The following RANBP17 variants were observed in gnomAD, a reference collection of about 807,000 sequenced individuals.
RANBP17 encodes RAN binding protein 17, also known as ran-binding protein 17.
Under a neutral mutation model 141.2 loss-of-function variants are expected in RANBP17, and 158 were observed. The observed-to-expected ratio is 1.12, with a 90% confidence interval of 0.98 to 1.28. The LOEUF (loss-of-function observed/expected upper bound fraction) is 1.28, where lower values mean the gene tolerates loss of function less well. RANBP17 is among the 50% of genes most tolerant of loss of function. RANBP17 has a pLI of 0.00. For missense variants in RANBP17, 1,438 were observed against 1,290.7 expected (o/e 1.11, Z -1.75); for synonymous variants, 430 against 450.0 (o/e 0.96, Z 0.56).
intron 14 of RANBP17, among the ~76,000 whole-genome samples, chr5:171,097,608 TTTATTATTA>T (rs35948377): frequency 0.018 from 2,492 of 141,370 alleles, 31 homozygotes; most frequent in African/African-American, 0.028. Flanking sequence ...ATGTAGTCTT[TTTATTATTA>T]TTATTATTAT....
intron 14 of RANBP17, among the ~76,000 whole-genome samples, chr5:171,048,908 CT>C (rs1359712477): frequency 3.3e-5 from 5 of 152,056 alleles, no homozygotes; most frequent in African/African-American, 1.2e-4. Flanking sequence ...ATATGCTTGT[CT>C]TTGTTACTGT....
At chr5:171,125,278 CAG>C (rs1446629926) in intron 14 of RANBP17, among the ~76,000 whole-genome samples, 1 of 110,626 alleles carries the variant, frequency 9.0e-6, no homozygotes, top group African/African-American at 3.5e-5. Context: ...GCGTGGGTGA[CAG>C]AGTGAGACTA....
At chr5:171,060,633 T>A (rs1196136020) in intron 14 of RANBP17, among the ~76,000 whole-genome samples, 2 of 152,084 alleles carry the variant, frequency 1.3e-5, no homozygotes, top group Non-Finnish European at 2.9e-5. Context: ...TCTTTTTTGG[T>A]TGTGTCTCTG....
intron 14 of RANBP17, among the ~76,000 whole-genome samples, chr5:171,032,864 G>C (rs1327030933): frequency 6.6e-6 from 1 of 152,110 alleles, no homozygotes; most frequent in Non-Finnish European, 1.5e-5. Flanking sequence ...ACAGTAATGA[G>C]GGATTATTGT....
chr5:171,148,969 C>T (rs957571630), intron 14 of RANBP17, among the ~76,000 whole-genome samples: 2 of 152,208 alleles, frequency 1.3e-5, no homozygotes, highest in African/African-American at 4.8e-5. Flanking sequence ...TTATCGTCAT[C>T]ATCCCTGTCC....
In RANBP17 at chr5:170,948,786, A is replaced by AT. The variant is rs201323719; in HGVS notation, c.1469-4802dup. 4.0e-3 allele frequency among the ~76,000 whole-genome samples: 599 copies of AT among 151,572 alleles called. 4 individuals carry two copies. Among genetic ancestry groups the AT allele is most frequent in the African/African-American group, 0.014 (569 of 41,348 alleles). On this transcript the variant is annotated intron_variant, in intron 12 of 27. Coordinates refer to ENST00000523189, the MANE Select transcript of RANBP17 (RefSeq NM_022897.5). ...AAAATAATGAAATTGGAAGACTCATATTTTTTTTTATTTCAGAATTTACTA... is the reference window on the plus strand; with the variant it reads ...AAAATAATGAAATTGGAAGACTCATATTTTTTTTTTATTTCAGAATTTACTA...
At chr5:171,293,218 C>T (rs780840696) in intron 25 of RANBP17, among the ~76,000 whole-genome samples, 1 of 152,170 alleles carries the variant, frequency 6.6e-6, no homozygotes, top group Non-Finnish European at 1.5e-5. Flanking sequence ...AAGTAGTCTC[C>T]CCCAGGAGGT....
intron 14 of RANBP17, among the ~76,000 whole-genome samples, chr5:171,109,973 G>A (rs1755107099): frequency 6.6e-6 from 1 of 152,090 alleles, no homozygotes; most frequent in South Asian, 2.1e-4. Context: ...TGCATATTTA[G>A]GGGTGAGATG....
At chr5:171,079,935 G>A (rs534401289) in intron 14 of RANBP17, among the ~76,000 whole-genome samples, 84 of 152,238 alleles carry the variant, frequency 5.5e-4, no homozygotes, top group African/African-American at 1.9e-3. Flanking sequence ...GAAAATATAA[G>A]TCTTGACTGG....
Position 170,924,635 on chromosome 5 carries a change from A to G in RANBP17, c.1468+85A>G, listed in dbSNP as rs1455375415. 18 of 846,592 alleles carry G rather than the reference A, an allele frequency of 2.1e-5. No homozygotes were observed. In the South Asian group the frequency reaches 4.4e-4, roughly 21 times the overall value. 52.4% of individuals were successfully genotyped at this position (846,592 alleles called of 1,614,324 possible). On this transcript the variant is annotated intron_variant, in intron 12 of 27. Transcript: ENST00000523189. ...CACTTTAATAGTTTTACTGCAAGTT[A>G]TTTTTATGTATTTTCCCCAATTCCT... is the stretch of plus-strand genomic sequence containing the variant.
chr5:170,864,994 C>T (rs892576770), intron 1 of RANBP17, among the ~76,000 whole-genome samples: 3 of 152,096 alleles, frequency 2.0e-5, no homozygotes, highest in African/African-American at 7.2e-5. Flanking sequence ...TAGGCTTTCC[C>T]CATCTTTTCT....
chr5:171,168,087 G>C (rs1210089043), intron 14 of RANBP17, among the ~76,000 whole-genome samples: 1 of 152,120 alleles, frequency 6.6e-6, no homozygotes, highest in Non-Finnish European at 1.5e-5. Context: ...TGCAATAGTA[G>C]GGACACAAAG....
At chr5:171,092,867 A>G (rs1248591385) in intron 14 of RANBP17, among the ~76,000 whole-genome samples, 2 of 152,170 alleles carry the variant, frequency 1.3e-5, no homozygotes, top group Non-Finnish European at 2.9e-5. Context: ...CTAGTCCTTA[A>G]ACTCTGTAGT....
At chr5:171,236,534 GA>G (rs1764557476) in intron 22 of RANBP17, among the ~76,000 whole-genome samples, 1 of 152,190 alleles carries the variant, frequency 6.6e-6, no homozygotes, top group Admixed American at 6.5e-5. Flanking sequence ...TTGTGTAAAT[GA>G]AAAGGACTAG....
intron 14 of RANBP17, chr5:170,983,116 G>T (rs755349548): frequency 1.9e-5 from 10 of 522,348 alleles, no homozygotes; most frequent in Non-Finnish European, 3.3e-5. Context: ...ACCAAGAAAA[G>T]AGGAAGAAGG....
At chr5:171,082,971 G>A (rs190335275) in intron 14 of RANBP17, among the ~76,000 whole-genome samples, 30 of 151,834 alleles carry the variant, frequency 2.0e-4, no homozygotes, top group African/African-American at 7.0e-4. Flanking sequence ...AAGTAAACAT[G>A]TCCATTTTTA....
intron 12 of RANBP17, among the ~76,000 whole-genome samples, chr5:170,943,515 T>C (rs907846296): frequency 1.2e-4 from 18 of 152,122 alleles, no homozygotes; most frequent in African/African-American, 3.9e-4. Flanking sequence ...GCAATAATTA[T>C]TTTGTTAAGG....
rs745984378 is a variant in RANBP17 at position 171,295,908 on chromosome 5, A to G, written c.3064A>G (p.Ser1022Gly). 3.7e-6 allele frequency: 6 copies of G among 1,613,588 alleles called. No homozygotes were observed. The Admixed American group carries it at 1.0e-4, about 27-fold the overall frequency. The change falls in exon 27 of 28, where the codon AGT (serine) becomes GGT (glycine). Residue 1022 changes from serine to glycine, a missense_variant. Ser to Gly is a moderately conservative substitution (Grantham distance 56). Transcript: ENST00000523189. ...TCAGTATTTCAGTGAACTGAGAGCA[A>G]GTTTGATAAACAGCCAGCCCCTCCC... ...NEKYFSELRA[S>G]LINSQPLPKQ...
Position 170,922,491 on chromosome 5 carries a change from T to C in RANBP17, c.1275-1866T>C, listed in dbSNP as rs545266021. ...TGGGCTCTGCCCAGTCTGTGCTTTG[T>C]TTACACTGTGAGCTATTCAAGCCTC... On this transcript the variant is annotated intron_variant, in intron 11 of 27. Coordinates refer to ENST00000523189, the MANE Select transcript of RANBP17 (RefSeq NM_022897.5). Among the ~76,000 whole-genome samples the C allele has an allele frequency of 7.9e-5, 12 of 152,110 alleles. No homozygotes were observed. The East Asian group carries it at 2.3e-3, about 29-fold the overall frequency.
Sources: allele counts gnomAD v4.1 joint callset (sites outside exome capture counted in the v4.1 genomes callset), GRCh38; gene constraint gnomAD v4.1.1; transcripts MANE v1.5; gene names NCBI Gene and HGNC (gene_info 2026-07-23, HGNC 2026-07-21).